Variants in PTPRZ1 observed in about 807,000 individuals in gnomAD.
The protein encoded by PTPRZ1 is protein tyrosine phosphatase receptor type Z1.
In PTPRZ1, 82 loss-of-function variants were observed where a neutral mutation model predicts 214.1. The ratio of observed to expected loss-of-function variants is 0.38; its 90% CI spans 0.32 to 0.46. The LOEUF (loss-of-function observed/expected upper bound fraction) is 0.46, where lower values mean the gene tolerates loss of function less well. Among genes scored for constraint, PTPRZ1 ranks in the 20% least tolerant of loss-of-function variants. The pLI is 1.00. For missense variants in PTPRZ1, 2,603 were observed against 2,748.7 expected, an observed-to-expected ratio of 0.95 and a Z score of 1.19; for synonymous variants, 945 against 987.9, an observed-to-expected ratio of 0.96 and a Z score of 0.81.
At chr7:122,044,057 G>T (rs1430245852) in intron 22 of PTPRZ1, among the ~76,000 whole-genome samples, 1 of 152,178 alleles carries the variant, frequency 6.6e-6, no homozygotes, top group Non-Finnish European at 1.5e-5. Context: ...TTGCCAGAAG[G>T]GGTAGGCCCA....
Position 122,053,915 on chromosome 7 carries a change from T to C in PTPRZ1, c.6258T>C (p.Tyr2086=). 1.9e-6 allele frequency: 3 copies of C among 1,612,828 alleles called. No homozygotes were observed. Among genetic ancestry groups the C allele is most frequent in the Non-Finnish European group, 2.5e-6 (3 of 1,179,134 alleles). Residue 2086 remains tyrosine (Y), a synonymous_variant, in exon 26 of 30, where the codon TAT becomes TAC. Coordinates refer to ENST00000393386, the MANE Select transcript of PTPRZ1 (RefSeq NM_002851.3). ...DYINASYIMG[Y]YQSNEFIITQ... Reference sequence around the variant, plus strand: ...TCTTCTCTTTGGTTTTGTAGGGCTATTACCAGAGCAATGAATTCATCATTA... The same window carrying C: ...TCTTCTCTTTGGTTTTGTAGGGCTACTACCAGAGCAATGAATTCATCATTA...
intron 10 of PTPRZ1, among the ~76,000 whole-genome samples, chr7:121,999,713 A>G (rs1209534831): frequency 6.6e-6 from 1 of 151,940 alleles, no homozygotes; most frequent in Non-Finnish European, 1.5e-5. Context: ...AACTTTCTGA[A>G]TTTTTTTGTT....
At chr7:122,039,769 G>A (rs1241457388) in intron 20 of PTPRZ1, among the ~76,000 whole-genome samples, 181 bp downstream of exon 20, 1 of 152,136 alleles carries the variant, frequency 6.6e-6, no homozygotes, top group Non-Finnish European at 1.5e-5. Flanking sequence ...AGGCCAAGGT[G>A]GGTGAATTAC....
rs555768336 is a variant in PTPRZ1, at chr7:121,983,894, T to C, written c.777+72T>C. 14 of 1,588,164 alleles carry C rather than the reference T, an allele frequency of 8.8e-6. No homozygotes were observed. The African/African-American group carries it at 1.9e-4, about 21-fold the overall frequency. On this transcript the variant is annotated intron_variant, in intron 7 of 29. Coordinates refer to ENST00000393386, the MANE Select transcript of PTPRZ1 (RefSeq NM_002851.3). ...AAAACATTATGTTCTAAGTTTGCTATAAAATATCCATTTTAAAGCATTTAC... is the reference window on the plus strand; with the variant it reads ...AAAACATTATGTTCTAAGTTTGCTACAAAATATCCATTTTAAAGCATTTAC...
Position 122,010,961 on chromosome 7 carries a change from T to C in PTPRZ1, c.1915T>C (p.Ser639Pro), listed in dbSNP as rs1171046621. The change falls in exon 12 of 30, where the codon TCA becomes CCA. Residue 639 changes from serine to proline, a missense_variant. By Grantham distance (74) the Ser-to-Pro change is moderately conservative. This residue lies in a region of PTPRZ1 where 1,913 missense variants were observed against 1,914.3 expected (regional missense o/e 1.00). Coordinates refer to ENST00000393386, the MANE Select transcript of PTPRZ1 (RefSeq NM_002851.3). ...TTCCGAAGATTCAACTTCATCAGGT[T>C]CAGAAGAATCACTAAAGGATCCTTC... ...NASEDSTSSG[S>P]EESLKDPSME... 6.2e-7 allele frequency: 1 copy of C among 1,614,148 alleles called. No individual in the cohort carries two copies. The highest frequency in any genetic ancestry group is 8.5e-7 in the Non-Finnish European group (1 of 1,180,008).
At chr7:122,048,219 A>T (rs1792059564) in intron 23 of PTPRZ1, among the ~76,000 whole-genome samples, 1 of 152,150 alleles carries the variant, frequency 6.6e-6, no homozygotes, top group Non-Finnish European at 1.5e-5. Context: ...TAAAGTTTTT[A>T]AAATTAAATA....
At chr7:121,889,058 A>G (rs532826435) in intron 1 of PTPRZ1, among the ~76,000 whole-genome samples, 227 of 152,260 alleles carry the variant, frequency 1.5e-3, no homozygotes, top group African/African-American at 4.8e-3. Context: ...AAGGAATTAT[A>G]TAGGTTTAAA....
chr7:121,936,024 A>G (rs976359483), intron 2 of PTPRZ1, among the ~76,000 whole-genome samples: 2 of 152,216 alleles, frequency 1.3e-5, no homozygotes, highest in African/African-American at 4.8e-5. Context: ...AATGTGTTAC[A>G]CTTTTAGGCA....
In PTPRZ1 at chr7:121,964,963, C is replaced by CT. The variant is rs1797000635; in HGVS notation, c.125-2988_125-2987insT. ...GGAGCAGAGAGGACATGAGCGGGGA[C>CT]ATCATATAGGATCTGTTGGCCATAA... On this transcript the variant is annotated intron_variant, in intron 2 of 29. Transcript: ENST00000393386. Among the ~76,000 whole-genome samples, 3 of 152,254 alleles carry CT rather than the reference C, an allele frequency of 2.0e-5. No homozygotes were observed. In the East Asian group the frequency reaches 5.8e-4, roughly 29 times the overall value.
intron 1 of PTPRZ1, among the ~76,000 whole-genome samples, chr7:121,898,941 A>T (rs1794881587): frequency 6.6e-6 from 1 of 152,192 alleles, no homozygotes; most frequent in Admixed American, 6.5e-5. Context: ...AGATGAGACT[A>T]CAGAAATAAC....
At chr7:122,008,817 A>G (rs941484617) in intron 11 of PTPRZ1, among the ~76,000 whole-genome samples, 7 of 152,194 alleles carry the variant, frequency 4.6e-5, no homozygotes, top group Admixed American at 1.3e-4. Context: ...TCTGCATCAC[A>G]TTATAAAACA....
At chr7:121,972,300 G>A (rs760317833) in intron 3 of PTPRZ1, among the ~76,000 whole-genome samples, 24 of 152,154 alleles carry the variant, frequency 1.6e-4, no homozygotes, top group Non-Finnish European at 2.2e-4. Flanking sequence ...TGGACTGGCT[G>A]TCTTCTGCCC....
intron 25 of PTPRZ1, 93 bp downstream of exon 25, chr7:122,052,032 G>A (rs1562883912): frequency 3.3e-6 from 3 of 904,540 alleles, no homozygotes; most frequent in Non-Finnish European, 4.9e-6. Flanking sequence ...ACAGGCATGG[G>A]CAAATGAGTG....
intron 1 of PTPRZ1, among the ~76,000 whole-genome samples, chr7:121,925,854 A>G (rs983450428): frequency 1.2e-4 from 18 of 152,206 alleles, no homozygotes; most frequent in African/African-American, 4.1e-4. Flanking sequence ...CACTGAAGTT[A>G]GGCTCCTACC....
At chr7:121,985,712 C>T (rs890059278) in intron 8 of PTPRZ1, among the ~76,000 whole-genome samples, 14 of 152,178 alleles carry the variant, frequency 9.2e-5, no homozygotes, top group East Asian at 1.9e-4. Flanking sequence ...TAAGTCTGGC[C>T]CTGGCAATGG....
intron 10 of PTPRZ1, among the ~76,000 whole-genome samples, chr7:121,998,527 C>G (rs1414468151): frequency 2.0e-5 from 3 of 151,878 alleles, no homozygotes; most frequent in African/African-American, 4.8e-5. Context: ...TGGTTGATTG[C>G]CCTTACTCTT....
chr7:121,973,189 G>T (rs1157441187), intron 4 of PTPRZ1, among the ~76,000 whole-genome samples: 1 of 151,872 alleles, frequency 6.6e-6, no homozygotes, highest in East Asian at 1.9e-4. Flanking sequence ...TAAATTTAAA[G>T]CCATTTAGTC....
In PTPRZ1 at chr7:121,873,648, G is replaced by T; in HGVS notation, c.58+91G>T. ...AGCGTGTCCGCGACTTGCCGCCGCC[G>T]CCGCCATCTAGCCAGGAGGAAAAAG... is the stretch of plus-strand genomic sequence containing the variant. On this transcript the variant is annotated intron_variant, in intron 1 of 29. Coordinates refer to ENST00000393386, the MANE Select transcript of PTPRZ1 (RefSeq NM_002851.3). 4 of 1,466,930 alleles carry T rather than the reference G, an allele frequency of 2.7e-6. No homozygotes were observed. The East Asian group carries it at 9.1e-5, about 33-fold the overall frequency. 90.9% of individuals were successfully genotyped at this position (1,466,930 alleles called of 1,614,324 possible). A position where few individuals can be genotyped will look rare whatever the true frequency, so the allele number is the denominator to read the frequency against.
chr7:122,036,789 C>T (rs543315504), intron 18 of PTPRZ1, 107 bp downstream of exon 18: 41 of 670,256 alleles, frequency 6.1e-5, no homozygotes, highest in Middle Eastern at 4.4e-4. Context: ...TCATGTTATT[C>T]GATAGAGAAT....
Sources: allele counts gnomAD v4.1 joint callset (sites outside exome capture counted in the v4.1 genomes callset), GRCh38; gene constraint gnomAD v4.1.1; regional missense constraint gnomAD v4.1.1; transcripts MANE v1.5; gene names NCBI Gene and HGNC (gene_info 2026-07-23, HGNC 2026-07-21).